KLF9: variants seen among roughly 807,000 people sequenced by gnomAD.
KLF9 encodes the protein KLF transcription factor 9, also known as Krueppel-like factor 9.
Under a neutral mutation model 17.3 loss-of-function variants are expected in KLF9, and 2 were observed. The observed-to-expected ratio is 0.12, with a 90% confidence interval of 0.05 to 0.36. The LOEUF (loss-of-function observed/expected upper bound fraction) is 0.36. Ranked by LOEUF, KLF9 falls within the 10% of genes least tolerant of loss-of-function variation. The probability of loss-of-function intolerance (pLI) is 1.00; values close to 1 mark genes in which losing one functional copy is unlikely to be tolerated. For missense variants in KLF9, 226 were observed against 333.2 expected (o/e 0.68, Z 2.51); for synonymous variants, 138 against 139.2 (o/e 0.99, Z 0.06).
intron 1 of KLF9, among the ~76,000 whole-genome samples, chr9:70,388,810 A>G (rs957837999): frequency 2.0e-5 from 3 of 152,152 alleles, no homozygotes; most frequent in African/African-American, 7.2e-5. Flanking sequence ...CTTCCTGCAA[A>G]GGCCATACTT....
chr9:70,391,211 C>T (rs891167521), intron 1 of KLF9, among the ~76,000 whole-genome samples: 2 of 152,116 alleles, frequency 1.3e-5, no homozygotes, highest in African/African-American at 4.8e-5. Flanking sequence ...GATACTCTCG[C>T]TGTGTTAGGA....
chr9:70,387,016 A>G lies in KLF9; in HGVS notation c.*760T>C, dbSNP rs1413157474. The G allele has an allele frequency of 6.5e-6, 1 of 152,778 alleles. No individual in the cohort carries two copies. Among genetic ancestry groups the G allele is most frequent in the East Asian group, 1.9e-4 (1 of 5,190 alleles). 9.5% of individuals were successfully genotyped at this position (152,778 alleles called of 1,614,324 possible). On this transcript the variant is annotated 3_prime_UTR_variant, in exon 2 of 2. Coordinates refer to ENST00000377126, the MANE Select transcript of KLF9 (RefSeq NM_001206.4). ...TATGTTCAAAAAGTACAACTCATAC[A>G]AAGCAAGGTTTAAAAGTTCTGTACT...
At chr9:70,406,929 G>A (rs1302997708) in intron 1 of KLF9, among the ~76,000 whole-genome samples, 1 of 150,076 alleles carries the variant, frequency 6.7e-6, no homozygotes, top group Non-Finnish European at 1.5e-5. Context: ...GGAAGATTTG[G>A]AAGTCAAGAC....
chr9:70,391,853 G>T (rs887191112), intron 1 of KLF9, among the ~76,000 whole-genome samples: 7 of 152,148 alleles, frequency 4.6e-5, no homozygotes, highest in African/African-American at 1.7e-4. Flanking sequence ...AAATTTCCTT[G>T]TCTGCATATA....
At position 70,409,157 on chromosome 9, in the gene KLF9, TATAC is replaced by T. The variant is rs1458289908; in HGVS notation, c.505+3698_505+3701del. ...ATACATATATATGTATATGTATATATATACACATATATGTATATATATGTATACA... is the reference window on the plus strand; with the variant it reads ...ATACATATATATGTATATGTATATATACATATATGTATATATATGTATACA... On this transcript the variant is annotated intron_variant, in intron 1 of 1. Coordinates refer to ENST00000377126, the MANE Select transcript of KLF9 (RefSeq NM_001206.4). Among the ~76,000 whole-genome samples the T allele has an allele frequency of 1.3e-3, 75 of 59,992 alleles. 4 individuals are homozygous for T. Among genetic ancestry groups the T allele is most frequent in the African/African-American group, 2.8e-3 (72 of 26,062 alleles). 39.4% of individuals were successfully genotyped at this position (59,992 alleles called of 152,430 possible).
chr9:70,409,115 C>CAT (rs1300000991), intron 1 of KLF9, among the ~76,000 whole-genome samples: 1 of 72,862 alleles, frequency 1.4e-5, no homozygotes, highest in Non-Finnish European at 3.2e-5. Context: ...TATATATATA[C>CAT]ATATATGTAT....
In KLF9 at chr9:70,413,052, C is replaced by T; in HGVS notation, c.312G>A (p.Gly104=). 3 of 1,614,088 alleles carry T rather than the reference C, an allele frequency of 1.9e-6. No homozygotes were observed. The highest frequency in any genetic ancestry group is 2.5e-6 in the Non-Finnish European group (3 of 1,179,950). The change falls in exon 1 of 2, where the codon GGG becomes GGA. Residue 104 remains glycine (G), a synonymous_variant. Coordinates refer to ENST00000377126, the MANE Select transcript of KLF9 (RefSeq NM_001206.4). This position sits in a 1 kb window ranked among gnomAD's most constrained non-coding sequence, Gnocchi z 5.6. ...CCTCCGGGCTGTGGGAAGGACTCGA[C>T]CCAGATTCGGTGGTCACGTCGCTGT... The part of the protein sequence containing the change: ...GSDSDVTTES[G]SSPSHSPEER...
chr9:70,404,598 C>T (rs1376711606), intron 1 of KLF9, among the ~76,000 whole-genome samples: 1 of 151,966 alleles, frequency 6.6e-6, no homozygotes, highest in African/African-American at 2.4e-5. Context: ...GAGTGAGACT[C>T]AGTCTCAAAA....
intron 1 of KLF9, among the ~76,000 whole-genome samples, chr9:70,410,102 A>C (rs1011915051): frequency 2.0e-5 from 3 of 152,226 alleles, no homozygotes; most frequent in African/African-American, 7.2e-5. Flanking sequence ...TTAAATGCCA[A>C]AAGAGATCCT....
At chr9:70,388,944 C>T (rs58272086) in intron 1 of KLF9, among the ~76,000 whole-genome samples, 329 of 152,200 alleles carry the variant, frequency 2.2e-3, no homozygotes, top group African/African-American at 7.6e-3. Flanking sequence ...GTTAAGAGAC[C>T]AGCCTGACCA....
In KLF9 at chr9:70,386,499, AG is replaced by A. The variant is rs773083268; in HGVS notation, c.*1276del. The A allele has an allele frequency of 5.2e-5, 8 of 152,772 alleles. No individual in the cohort carries two copies. The South Asian group carries it at 1.2e-3, about 24-fold the overall frequency. The allele number at this position is 152,772 out of a possible 1,614,324, so 9.5% of individuals were successfully genotyped here. ...TTTTCCCTTGGTGTTCACTAGTTAT[AG>A]GGGTTGATTTTTCTGTTCCTATTTC... On this transcript the variant is annotated 3_prime_UTR_variant, in exon 2 of 2. Transcript: ENST00000377126.
chr9:70,386,181 A>G lies in KLF9; in HGVS notation c.*1595T>C, dbSNP rs1301572039. The G allele has an allele frequency of 1.3e-5, 2 of 152,682 alleles. No homozygotes were observed. The highest frequency in any genetic ancestry group is 2.9e-5 in the Non-Finnish European group (2 of 68,036). 9.5% of individuals were successfully genotyped at this position (152,682 alleles called of 1,614,324 possible). A position where few individuals can be genotyped will look rare whatever the true frequency, so the allele number is the denominator to read the frequency against. On this transcript the variant is annotated 3_prime_UTR_variant, in exon 2 of 2. Coordinates refer to ENST00000377126, the MANE Select transcript of KLF9 (RefSeq NM_001206.4). ...AAAGCGTTACTTCTGAAGAAAAAAAAAATGTAAACATTTCCCCCATGATCA... is the reference window on the plus strand; with the variant it reads ...AAAGCGTTACTTCTGAAGAAAAAAAGAATGTAAACATTTCCCCCATGATCA...
chr9:70,395,033 G>A (rs751100159), intron 1 of KLF9, among the ~76,000 whole-genome samples: 3 of 152,078 alleles, frequency 2.0e-5, no homozygotes, highest in East Asian at 1.9e-4. Context: ...AAAATTTTGC[G>A]GAAGAACAAA....
At chr9:70,389,180 A>G (rs2037135510) in intron 1 of KLF9, among the ~76,000 whole-genome samples, 1 of 152,120 alleles carries the variant, frequency 6.6e-6, no homozygotes, top group Non-Finnish European at 1.5e-5. Context: ...TCCTTCTGCC[A>G]CATCATAATC....
chr9:70,405,755 T>TA (rs561044841), intron 1 of KLF9, among the ~76,000 whole-genome samples: 70 of 149,594 alleles, frequency 4.7e-4, no homozygotes, highest in Non-Finnish European at 4.3e-4. Flanking sequence ...CCCATGTATT[T>TA]AAAAAAAAAA....
chr9:70,412,948 G>A lies in KLF9; in HGVS notation c.416C>T (p.Ser139Phe). The A allele has an allele frequency of 1.2e-6, 2 of 1,614,150 alleles. No homozygotes were observed. The highest frequency in any genetic ancestry group is 1.7e-6 in the Non-Finnish European group (2 of 1,180,012). The change falls in exon 1 of 2, where the codon TCC (serine) becomes TTC (phenylalanine). Residue 139 changes from serine (S) to phenylalanine (F), a missense_variant. By Grantham distance (155) the Ser-to-Phe change is radical. Coordinates refer to ENST00000377126, the MANE Select transcript of KLF9 (RefSeq NM_001206.4). ...GTAGGGGCACTTGTGCCTCTTTTCGGAGGCGTGTTTCCCCTTCGCAGCCAC... is the reference window on the plus strand; with the variant it reads ...GTAGGGGCACTTGTGCCTCTTTTCGAAGGCGTGTTTCCCCTTCGCAGCCAC... Reference protein sequence around the residue: ...PGVAAKGKHASEKRHKCPYSG... With the variant: ...PGVAAKGKHAFEKRHKCPYSG...
intron 1 of KLF9, among the ~76,000 whole-genome samples, chr9:70,405,878 G>C (rs999985654): frequency 6.6e-6 from 1 of 152,126 alleles, no homozygotes; most frequent in African/African-American, 2.4e-5. Context: ...GTTTACTCGT[G>C]GCCTTAATGC....
At chr9:70,400,881 C>T (rs1351821063) in intron 1 of KLF9, among the ~76,000 whole-genome samples, 1 of 152,112 alleles carries the variant, frequency 6.6e-6, no homozygotes, top group Non-Finnish European at 1.5e-5. Flanking sequence ...CACCAAAGAC[C>T]ACAAAGAACT....
chr9:70,388,147 A>C, intron 1 of KLF9, 142 bp from the exon 2 acceptor site: 1 of 690,478 alleles, frequency 1.4e-6, no homozygotes, highest in South Asian at 1.8e-5. Context: ...CAAAATCCCT[A>C]TGTTGAAGCC....
Sources: gnomAD v4.1 joint callset for allele counts (sites outside exome capture counted in the v4.1 genomes callset) on GRCh38, gnomAD v4.1.1 for gene constraint, Gnocchi (gnomAD v3.1) non-coding constraint, MANE v1.5 for transcripts, NCBI Gene and HGNC (gene_info 2026-07-23, HGNC 2026-07-21) for gene names.